SOHLH1: variants seen among roughly 807,000 people sequenced by gnomAD.
SOHLH1 encodes the protein spermatogenesis and oogenesis specific basic helix-loop-helix 1, also known as spermatogenesis- and oogenesis-specific basic helix-loop-helix-containing protein 1.
Under a neutral mutation model 36.2 loss-of-function variants are expected in SOHLH1, and 23 were observed. The observed-to-expected ratio is 0.64, with a 90% CI of 0.46 to 0.90. The LOEUF (loss-of-function observed/expected upper bound fraction) is 0.90. Ranked by LOEUF, SOHLH1 falls within the 40% of genes least tolerant of loss-of-function variation. The pLI, the probability that SOHLH1 is intolerant of heterozygous loss-of-function variation, is 0.00. For missense variants in SOHLH1, 608 were observed against 517.0 expected (o/e 1.18, Z -1.71); for synonymous variants, 289 against 228.3 (o/e 1.27, Z -2.40).
chr9:135,699,655 C>A (rs1439885685), upstream of SOHLH1: 1 of 658,610 alleles, frequency 1.5e-6, no homozygotes, highest in East Asian at 2.7e-5. Context: ...CCACGTGACC[C>A]GCGTTCCTGC....
At chr9:135,694,603 G>C (rs1423917933) in intron 6 of SOHLH1, 146 bp from the exon 7 acceptor site, 3 of 1,223,926 alleles carry the variant, frequency 2.5e-6, no homozygotes, top group Non-Finnish European at 2.3e-6. Flanking sequence ...CTGCCCAGCG[G>C]GGAGAAATGC....
rs370103789 is a variant in SOHLH1 at position 135,697,654 on chromosome 9, A to G, written c.346-27T>C. On this transcript the variant is annotated intron_variant, in intron 3 of 7. Coordinates refer to ENST00000425225, the MANE Select transcript of SOHLH1 (RefSeq NM_001101677.2). ...TGAAATTTAAGTAAACATGTAAAAC[A>G]AAGACAGAGACAGTCAGCTGAGAAA... 6 of 1,604,356 alleles carry G rather than the reference A, an allele frequency of 3.7e-6. No homozygotes were observed. The African/African-American group carries it at 8.0e-5, about 21-fold the overall frequency.
At chr9:135,701,426 AG>A (rs1302905817), upstream of SOHLH1, among the ~76,000 whole-genome samples, 1 of 152,156 alleles carries the variant, frequency 6.6e-6, no homozygotes, top group African/African-American at 2.4e-5. Flanking sequence ...AAACCAACAA[AG>A]CTCTGGGGAC....
In SOHLH1 at chr9:135,697,730, G is replaced by A. The variant is rs533874279; in HGVS notation, c.346-103C>T. ...ACCCCAGGGCCTGGAGGGTCACTGT[G>A]AGCTCGGTCCCCGCTTGGAACTTGG... On this transcript the variant is annotated intron_variant, in intron 3 of 7. Transcript: ENST00000425225. 25 of 1,420,590 alleles carry A rather than the reference G, an allele frequency of 1.8e-5. No homozygotes were observed. The South Asian group carries it at 2.8e-4, about 16-fold the overall frequency. The allele number at this position is 1,420,590 out of a possible 1,614,324, so 88.0% of individuals were successfully genotyped here.
chr9:135,699,266 G>A, intron 1 of SOHLH1, 137 bp downstream of exon 1: 1 of 1,494,298 alleles, frequency 6.7e-7, no homozygotes, highest in South Asian at 1.2e-5. Context: ...GGCCCTCTCT[G>A]CACCCCTTCC....
rs368335612 is a variant in SOHLH1 at position 135,694,329 on chromosome 9, C to T, written c.946+58G>A. Reference sequence around the variant, plus strand: ...ACGCTAGGCCTGAGTCCCAATTCCCCAGCTCATATCAGGTGCTTACGCGGG... The same window carrying T: ...ACGCTAGGCCTGAGTCCCAATTCCCTAGCTCATATCAGGTGCTTACGCGGG... On this transcript the variant is annotated intron_variant, in intron 7 of 7. Coordinates refer to ENST00000425225, the MANE Select transcript of SOHLH1 (RefSeq NM_001101677.2). 6 of 1,611,150 alleles carry T rather than the reference C, an allele frequency of 3.7e-6. No individual in the cohort carries two copies. In the African/African-American group the frequency reaches 8.0e-5, roughly 22 times the overall value.
In SOHLH1 at chr9:135,699,125, C is replaced by T. The variant is rs1588235593; in HGVS notation, c.67G>A (p.Gly23Ser). The T allele has an allele frequency of 8.1e-6, 13 of 1,597,530 alleles. No individual in the cohort carries two copies. Among genetic ancestry groups the T allele is most frequent in the South Asian group, 1.1e-5 (1 of 89,820 alleles). Residue 23 changes from glycine (G) to serine (S), a missense_variant and splice_region_variant, in exon 2 of 8, where the codon GGC (glycine) becomes AGC (serine). Physicochemically the swap from Gly to Ser is moderately conservative, Grantham distance 56. Coordinates refer to ENST00000425225, the MANE Select transcript of SOHLH1 (RefSeq NM_001101677.2). Reference protein sequence around the residue: ...SRIPTVRGCNGSLSGALSCCE... With the variant: ...SRIPTVRGCNSSLSGALSCCE... ...CAGGAGAGGGCACCAGACAGGGAGCCGCTGCCGAGAAAGCCAAGAGCACCG... is the reference window on the plus strand; with the variant it reads ...CAGGAGAGGGCACCAGACAGGGAGCTGCTGCCGAGAAAGCCAAGAGCACCG...
rs755384172 is a variant in SOHLH1 at position 135,695,216 on chromosome 9, C to T, written c.709G>A (p.Ala237Thr). ...PWPPGRSLPK[A>T]VRPPLSWPPF... ...GGCCAGGACAGGGGTGGCCTCACAG[C>T]CTTAGGAAGACTCCGGCCTGGGGGC... Residue 237 changes from alanine to threonine, a missense_variant, in exon 6 of 8, where the codon GCT becomes ACT. Coordinates refer to ENST00000425225, the MANE Select transcript of SOHLH1 (RefSeq NM_001101677.2). 4.6e-5 allele frequency: 74 copies of T among 1,605,474 alleles called. 2 individuals are homozygous for T. In the South Asian group the frequency reaches 8.2e-4, roughly 18 times the overall value.
In SOHLH1 at chr9:135,695,055, C is replaced by T; in HGVS notation, c.870G>A (p.Glu290=). The change falls in exon 6 of 8, where the codon GAG becomes GAA. Residue 290 remains glutamate, a synonymous_variant. Coordinates refer to ENST00000425225, the MANE Select transcript of SOHLH1 (RefSeq NM_001101677.2). Reference sequence around the variant, plus strand: ...CACACCACCTGGGCACTCACCCGGCCTCCTGCGCCAGCATGGGGTCCTCCT... The same window carrying T: ...CACACCACCTGGGCACTCACCCGGCTTCCTGCGCCAGCATGGGGTCCTCCT... ...PAKEDPMLAQ[E]AGSALGSDVD... 6.3e-7 allele frequency: 1 copy of T among 1,593,142 alleles called. No homozygotes were observed. The highest frequency in any genetic ancestry group is 8.5e-7 in the Non-Finnish European group (1 of 1,172,160).
At chr9:135,698,745 G>A (rs979992980) in intron 2 of SOHLH1, among the ~76,000 whole-genome samples, 1 of 152,216 alleles carries the variant, frequency 6.6e-6, no homozygotes, top group African/African-American at 2.4e-5. Context: ...GAGGGTCAGA[G>A]GCAGTCAGAA....
At position 135,695,178 on chromosome 9, in the gene SOHLH1, C is replaced by T. The variant is rs772260088; in HGVS notation, c.747G>A (p.Gln249=). 3 of 1,604,372 alleles carry T rather than the reference C, an allele frequency of 1.9e-6. No individual in the cohort carries two copies. Among genetic ancestry groups the T allele is most frequent in the South Asian group, 1.1e-5 (1 of 89,040 alleles). Residue 249 remains glutamine, a synonymous_variant, in exon 6 of 8, where the codon CAG becomes CAA. Coordinates refer to ENST00000425225, the MANE Select transcript of SOHLH1 (RefSeq NM_001101677.2). ...RPPLSWPPFS[Q]QQTLPVMSGE... ...CGCTCATCACGGGCAAGGTCTGCTG[C>T]TGCGAGAACGGAGGCCAGGACAGGG... is the stretch of plus-strand genomic sequence containing the variant.
chr9:135,696,947 A>C, intron 4 of SOHLH1, 142 bp from the exon 5 acceptor site: 1 of 975,796 alleles, frequency 1.0e-6, no homozygotes, highest in South Asian at 1.4e-5. Context: ...GCCTCTGCCC[A>C]GGGGCCCTGG....
At position 135,698,444 on chromosome 9, in the gene SOHLH1, C is replaced by T; in HGVS notation, c.230G>A (p.Arg77Gln). The change falls in exon 3 of 8, where the codon CGG (arginine) becomes CAG (glutamine). Residue 77 changes from arginine to glutamine, a missense_variant. Physicochemically the swap from Arg to Gln is conservative, Grantham distance 43. Coordinates refer to ENST00000425225, the MANE Select transcript of SOHLH1 (RefSeq NM_001101677.2). ...KRMSLSCERL[R>Q]ALLPQFDGRR... ...GCCATCGAACTGGGGCAGCAGGGCC[C>T]GCAGACGCTCACAGCTCAACGACAT... 1.2e-6 allele frequency: 2 copies of T among 1,613,196 alleles called. No individual in the cohort carries two copies. Among genetic ancestry groups the T allele is most frequent in the Non-Finnish European group, 8.5e-7 (1 of 1,180,016 alleles).
rs376890187 is a variant in SOHLH1 at position 135,698,287 on chromosome 9, C to A, written c.345+42G>T. ...GCAAGGTGGTGAGATGTCCCATCAC[C>A]GTGATGCCGGAGGACTGACGGCGTC... On this transcript the variant is annotated intron_variant, in intron 3 of 7. Transcript: ENST00000425225. The A allele has an allele frequency of 5.0e-6, 8 of 1,611,854 alleles. 1 individual carries two copies. In the South Asian group the frequency reaches 8.8e-5, roughly 18 times the overall value.
At chr9:135,699,842 T>G (rs889013549), upstream of SOHLH1, among the ~76,000 whole-genome samples, 2 of 151,886 alleles carry the variant, frequency 1.3e-5, no homozygotes, top group Admixed American at 1.3e-4. Context: ...AGATGCGGGC[T>G]CTGCCCTTAG....
intron 2 of SOHLH1, 39 bp downstream of exon 2, chr9:135,698,956 T>A: frequency 1.2e-6 from 2 of 1,610,786 alleles, no homozygotes; most frequent in Non-Finnish European, 1.7e-6. Context: ...GCTCCACCCC[T>A]TTACAGCGCC....
chr9:135,696,532 C>G, intron 5 of SOHLH1, 80 bp downstream of exon 5: 29 of 1,508,936 alleles, frequency 1.9e-5, no homozygotes, highest in South Asian at 6.3e-5. Flanking sequence ...GCAAACAGCC[C>G]CCATTGTTCT....
chr9:135,699,533 G>A (rs1416304106), upstream of SOHLH1: 3 of 1,531,440 alleles, frequency 2.0e-6, no homozygotes, highest in Non-Finnish European at 1.8e-6. Flanking sequence ...GCCCCCTCAC[G>A]TGTGCTCTGC....
At chr9:135,698,287 C>G in intron 3 of SOHLH1, 42 bp downstream of exon 3, 1 of 1,611,856 alleles carries the variant, frequency 6.2e-7, no homozygotes, top group Non-Finnish European at 8.5e-7. Context: ...GTCCCATCAC[C>G]GTGATGCCGG....
Sources: gnomAD v4.1 joint callset for allele counts (sites outside exome capture counted in the v4.1 genomes callset) on GRCh38, gnomAD v4.1.1 for gene constraint, MANE v1.5 for transcripts, NCBI Gene and HGNC (gene_info 2026-07-23, HGNC 2026-07-21) for gene names.